TBC1D32: variants seen among roughly 807,000 people sequenced by gnomAD.
The protein encoded by TBC1D32 is TBC1 domain family member 32.
A neutral mutation model predicts 170.3 loss-of-function variants in TBC1D32; 151 were observed. The ratio of observed to expected loss-of-function variants is 0.89; its 90% confidence interval spans 0.78 to 1.01. The LOEUF is 1.01. Among genes scored for constraint, TBC1D32 ranks in the 50% least tolerant of loss-of-function variants. The pLI, the probability that TBC1D32 is intolerant of heterozygous loss-of-function variation, is 0.00. For synonymous variants in TBC1D32, 498 were observed against 488.0 expected (o/e 1.02, Z -0.27); for missense variants, 1,464 against 1,457.1 (o/e 1.00, Z -0.08).
Position 121,079,865 on chromosome 6 carries a change from C to A in TBC1D32, c.*906G>T, listed in dbSNP as rs1347212044. On this transcript the variant is annotated 3_prime_UTR_variant, in exon 32 of 32. Coordinates refer to ENST00000398212, the MANE Select transcript of TBC1D32 (RefSeq NM_152730.6). Reference sequence around the variant, plus strand: ...TGCTTATCAGTATGAAATAACCAATCTATCTCTTCAATGAACCATGTAAAG... The same window carrying A: ...TGCTTATCAGTATGAAATAACCAATATATCTCTTCAATGAACCATGTAAAG... 6.6e-6 allele frequency: 1 copy of A among 152,116 alleles called. No individual in the cohort carries two copies. The highest frequency in any genetic ancestry group is 1.9e-4 in the East Asian group (1 of 5,190). 9.4% of individuals were successfully genotyped at this position (152,116 alleles called of 1,614,324 possible).
chr6:121,111,665 A>G (rs1319716320), intron 29 of TBC1D32, among the ~76,000 whole-genome samples: 4 of 152,184 alleles, frequency 2.6e-5, no homozygotes, highest in African/African-American at 7.2e-5. Flanking sequence ...AACTGTATAT[A>G]GCTACTTGAA....
At chr6:121,334,589 G>A (rs1176326623), upstream of TBC1D32, 9 of 806,108 alleles carry the variant, frequency 1.1e-5, no homozygotes, top group East Asian at 2.2e-4. Context: ...AGCTGCCAGT[G>A]CGTCATTTCG....
intron 15 of TBC1D32, among the ~76,000 whole-genome samples, chr6:121,263,330 A>G (rs992290469): frequency 7.2e-5 from 11 of 152,188 alleles, no homozygotes; most frequent in African/African-American, 2.7e-4. Flanking sequence ...AACAAAGATC[A>G]AAAAAGACAA....
chr6:121,159,456 T>C (rs1460351341), intron 24 of TBC1D32, among the ~76,000 whole-genome samples: 1 of 152,172 alleles, frequency 6.6e-6, no homozygotes, highest in Non-Finnish European at 1.5e-5. Context: ...CAGCTACAGC[T>C]TAGCAACAAG....
chr6:121,179,774 A>T (rs1788271317), intron 22 of TBC1D32, among the ~76,000 whole-genome samples: 2 of 152,168 alleles, frequency 1.3e-5, no homozygotes, highest in Non-Finnish European at 2.9e-5. Flanking sequence ...GACACTTATC[A>T]CTACTTATCA....
intron 22 of TBC1D32, among the ~76,000 whole-genome samples, chr6:121,171,868 A>T (rs1287772607): frequency 1.3e-5 from 2 of 152,076 alleles, no homozygotes; most frequent in African/African-American, 4.8e-5. Context: ...TCTCTCTGAA[A>T]GGTGGTATTT....
intron 24 of TBC1D32, among the ~76,000 whole-genome samples, chr6:121,153,109 T>G (rs992261306): frequency 6.6e-6 from 1 of 152,174 alleles, no homozygotes; most frequent in Non-Finnish European, 1.5e-5. Flanking sequence ...TTGGCTTTTT[T>G]TTACTGGTTT....
chr6:121,215,302 C>T (rs1276267213), intron 21 of TBC1D32, among the ~76,000 whole-genome samples: 2 of 152,212 alleles, frequency 1.3e-5, no homozygotes, highest in Non-Finnish European at 2.9e-5. Flanking sequence ...CAGGGATCCA[C>T]CACTATCTAC....
intron 12 of TBC1D32, among the ~76,000 whole-genome samples, chr6:121,285,459 C>G (rs1434784394): frequency 3.9e-5 from 6 of 152,128 alleles, no homozygotes; most frequent in Admixed American, 1.3e-4. Context: ...TTTGGGGGAT[C>G]TAAGCATGTA....
chr6:121,161,900 T>A (rs1057189624), intron 22 of TBC1D32, among the ~76,000 whole-genome samples: 3 of 152,244 alleles, frequency 2.0e-5, no homozygotes, highest in African/African-American at 7.2e-5. Context: ...TGATATCTCA[T>A]TGTGGTTTTC....
At chr6:121,153,560 AG>A (rs1784470757) in intron 24 of TBC1D32, among the ~76,000 whole-genome samples, 1 of 152,154 alleles carries the variant, frequency 6.6e-6, no homozygotes, top group South Asian at 2.1e-4. Flanking sequence ...GCCAGCAAGC[AG>A]GAACGTTTAA....
intron 15 of TBC1D32, among the ~76,000 whole-genome samples, chr6:121,257,046 C>A (rs781639906): frequency 6.6e-6 from 1 of 151,992 alleles, no homozygotes; most frequent in Non-Finnish European, 1.5e-5. Context: ...TTCAATGGTG[C>A]GCATTAGATT....
chr6:121,226,073 A>G (rs1795018472), intron 20 of TBC1D32, among the ~76,000 whole-genome samples: 1 of 152,134 alleles, frequency 6.6e-6, no homozygotes, highest in African/African-American at 2.4e-5. Context: ...CAAGTCAAGA[A>G]GTTTTCTTAT....
intron 1 of TBC1D32, among the ~76,000 whole-genome samples, chr6:121,329,684 A>G (rs998892402): frequency 9.2e-5 from 14 of 152,062 alleles, no homozygotes; most frequent in Admixed American, 9.2e-4. Flanking sequence ...TAAAAAAATA[A>G]AAAGGCAAGA....
At chr6:121,284,387 G>T (rs1033375513) in intron 12 of TBC1D32, among the ~76,000 whole-genome samples, 9 of 152,060 alleles carry the variant, frequency 5.9e-5, no homozygotes, top group African/African-American at 1.9e-4. Flanking sequence ...GTCTGCCATG[G>T]TAGCACTAAG....
At chr6:121,205,455 T>A (rs1057269112) in intron 21 of TBC1D32, among the ~76,000 whole-genome samples, 2 of 152,178 alleles carry the variant, frequency 1.3e-5, no homozygotes, top group African/African-American at 4.8e-5. Context: ...AAACACTGAT[T>A]TTGACCCTAC....
At chr6:121,323,715 G>GC (rs1810074595) in intron 1 of TBC1D32, among the ~76,000 whole-genome samples, 1 of 152,226 alleles carries the variant, frequency 6.6e-6, no homozygotes, top group African/African-American at 2.4e-5. Flanking sequence ...GCCAACGTGG[G>GC]CGGATCACAA....
intron 22 of TBC1D32, among the ~76,000 whole-genome samples, chr6:121,175,738 A>C (rs892867391): frequency 2.6e-5 from 4 of 152,202 alleles, no homozygotes; most frequent in Admixed American, 2.0e-4. Context: ...ATCTCAATAC[A>C]AGATCTAAAA....
In TBC1D32 at chr6:121,239,156, AC is replaced by A; in HGVS notation, c.2277del (p.Trp759CysfsTer13). On this transcript the variant is annotated frameshift_variant, in exon 20 of 32. Transcript: ENST00000398212. LOFTEE classifies it high-confidence loss of function. ...GFINELITEL[W>X]SNLEYGRDDV... ...TCATCTCTTCCATATTCCAGATTGG[AC>A]CATAATTCAGTTATAAGTTCATTAA... 1 of 1,601,152 alleles carries A rather than the reference AC, an allele frequency of 6.2e-7. No homozygotes were observed. The highest frequency in any genetic ancestry group is 8.5e-7 in the Non-Finnish European group (1 of 1,170,796).
Sources: allele counts gnomAD v4.1 joint callset (sites outside exome capture counted in the v4.1 genomes callset), GRCh38; gene constraint gnomAD v4.1.1; transcripts MANE v1.5; gene names NCBI Gene and HGNC (gene_info 2026-07-23, HGNC 2026-07-21).